The following IL1RAPL2 variants were observed in gnomAD, a reference collection of about 807,000 sequenced individuals.
IL1RAPL2 encodes the protein interleukin 1 receptor accessory protein like 2.
A neutral mutation model predicts 44.1 loss-of-function variants in IL1RAPL2; 3 were observed. The observed-to-expected ratio is 0.07, with a 90% confidence interval of 0.03 to 0.18. The LOEUF (loss-of-function observed/expected upper bound fraction) is 0.18. Among genes scored for constraint, IL1RAPL2 ranks in the 10% least tolerant of loss-of-function variants. The pLI is 1.00. For synonymous variants in IL1RAPL2, 181 were observed against 178.8 expected (o/e 1.01, Z -0.10); for missense variants, 391 against 496.4 (o/e 0.79, Z 2.02).
chrX:105,305,586 G>A (rs971202596), intron 5 of IL1RAPL2, among the ~76,000 whole-genome samples: 3 of 110,270 alleles, frequency 2.7e-5, no homozygotes, highest in Admixed American at 1.9e-4. Flanking sequence ...CATTTGAAAA[G>A]TTTTTGCTAT....
rs1368210749 is a variant in IL1RAPL2, at chrX:105,403,230, T to A, written c.698-81083T>A. Among the ~76,000 whole-genome samples, 4 of 111,965 alleles carry A rather than the reference T, an allele frequency of 3.6e-5. 1 individual carries two copies. Among genetic ancestry groups the A allele is most frequent in the African/African-American group, 1.3e-4 (4 of 30,801 alleles). On this transcript the variant is annotated intron_variant, in intron 5 of 10. Transcript: ENST00000372582. ...GCAAACAGAATAGCATCATTTTTTT[T>A]AATAATCAGTGATTTGGTGAAACAG...
chrX:104,668,947 C>T (rs1480344261), intron 2 of IL1RAPL2, among the ~76,000 whole-genome samples: 1 of 111,361 alleles, frequency 9.0e-6, no homozygotes, highest in Non-Finnish European at 1.9e-5. Flanking sequence ...CACCAAACTA[C>T]CTCTGAATCT....
chrX:104,884,216 A>C (rs960379477), intron 2 of IL1RAPL2, among the ~76,000 whole-genome samples: 1 of 111,165 alleles, frequency 9.0e-6, no homozygotes, highest in Admixed American at 9.6e-5. Context: ...GTTTTTGAGA[A>C]TGCATCAGTA....
chrX:104,864,399 G>A (rs1198247335), intron 2 of IL1RAPL2, among the ~76,000 whole-genome samples: 1 of 112,452 alleles, frequency 8.9e-6, no homozygotes, highest in Admixed American at 9.4e-5. Flanking sequence ...CAGGAGGAAA[G>A]TGGCAGAGAA....
intron 2 of IL1RAPL2, among the ~76,000 whole-genome samples, chrX:104,723,736 G>A (rs998710060): frequency 7.2e-5 from 8 of 110,812 alleles, no homozygotes; most frequent in Non-Finnish European, 1.3e-4. Flanking sequence ...CTTACAATTC[G>A]TTTGTGTTTG....
chrX:105,360,280 G>T (rs767590899), intron 5 of IL1RAPL2, among the ~76,000 whole-genome samples: 28 of 111,048 alleles, frequency 2.5e-4, no homozygotes, highest in Admixed American at 9.7e-5. Flanking sequence ...TTTCTTTCAG[G>T]CTCTAGGCCT....
chrX:105,043,745 G>T (rs1262461544), intron 2 of IL1RAPL2, among the ~76,000 whole-genome samples: 1 of 110,668 alleles, frequency 9.0e-6, no homozygotes, highest in Admixed American at 9.7e-5. Context: ...TGAGTTGAAG[G>T]GAGGCAATGG....
intron 2 of IL1RAPL2, among the ~76,000 whole-genome samples, chrX:104,935,612 A>G (rs1430871919): frequency 2.7e-5 from 3 of 112,275 alleles, no homozygotes. Context: ...TTTCCTTCAA[A>G]CATGTGAAAA....
chrX:105,281,033 G>A (rs779132932), intron 5 of IL1RAPL2, among the ~76,000 whole-genome samples: 40 of 111,652 alleles, frequency 3.6e-4, no homozygotes, highest in Admixed American at 1.3e-3. Context: ...CAAATGTCCA[G>A]CAATGATAGA....
chrX:104,612,098 G>A (rs922859947), intron 1 of IL1RAPL2, among the ~76,000 whole-genome samples: 11 of 111,329 alleles, frequency 9.9e-5, no homozygotes, highest in African/African-American at 3.6e-4. Flanking sequence ...ACCTTCATTG[G>A]GTGTATAGTT....
chrX:105,730,025 A>G (rs148852342), intron 7 of IL1RAPL2, among the ~76,000 whole-genome samples: 2,078 of 111,086 alleles, frequency 0.019, 42 homozygotes, highest in African/African-American at 0.065. Context: ...ATTAATAATA[A>G]CCTTGAATGT....
intron 5 of IL1RAPL2, among the ~76,000 whole-genome samples, chrX:105,458,526 A>G (rs909319753): frequency 8.9e-6 from 1 of 112,125 alleles, no homozygotes; most frequent in African/African-American, 3.2e-5. Flanking sequence ...CATTACCTCA[A>G]AAAGAAATCC....
chrX:105,199,553 G>A (rs1335390353), intron 3 of IL1RAPL2, among the ~76,000 whole-genome samples: 4 of 111,369 alleles, frequency 3.6e-5, no homozygotes, highest in Non-Finnish European at 7.5e-5. Flanking sequence ...CATAGATTGT[G>A]AAGGAGTACT....
At chrX:105,060,711 T>C (rs894903980) in intron 2 of IL1RAPL2, among the ~76,000 whole-genome samples, 4 of 108,417 alleles carry the variant, frequency 3.7e-5, no homozygotes, top group Non-Finnish European at 7.7e-5. Flanking sequence ...GTAGGATTAA[T>C]ATTATTTCCT....
At chrX:105,133,204 T>C (rs963651907) in intron 2 of IL1RAPL2, among the ~76,000 whole-genome samples, 8 of 112,008 alleles carry the variant, frequency 7.1e-5, no homozygotes, top group African/African-American at 2.6e-4. Context: ...ATATAACCTC[T>C]GAATCAAATT....
chrX:104,877,576 T>C (rs973587209), intron 2 of IL1RAPL2, among the ~76,000 whole-genome samples: 1 of 112,545 alleles, frequency 8.9e-6, no homozygotes, highest in Non-Finnish European at 1.9e-5. Flanking sequence ...GCATGTCACT[T>C]TTTGGAAAAC....
At chrX:105,397,484 G>A (rs2147733514) in intron 5 of IL1RAPL2, among the ~76,000 whole-genome samples, 1 of 111,052 alleles carries the variant, frequency 9.0e-6, no homozygotes, top group South Asian at 3.8e-4. Context: ...ATGAAAGGAA[G>A]GAAAGAAAGA....
chrX:105,376,704 G>A (rs1004690913), intron 5 of IL1RAPL2, among the ~76,000 whole-genome samples: 8 of 111,938 alleles, frequency 7.1e-5, no homozygotes, highest in African/African-American at 2.3e-4. Flanking sequence ...CATAATAGGA[G>A]TAGGTGTATG....
chrX:105,759,141 T>G, intron 10 of IL1RAPL2, among the ~76,000 whole-genome samples: 1 of 111,890 alleles, frequency 8.9e-6, no homozygotes, highest in Middle Eastern at 4.6e-3. Flanking sequence ...AGAGATTAAA[T>G]AAAAACCAAA....
Sources: allele counts gnomAD v4.1 joint callset (sites outside exome capture counted in the v4.1 genomes callset), GRCh38; gene constraint gnomAD v4.1.1; transcripts MANE v1.5; gene names NCBI Gene and HGNC (gene_info 2026-07-23, HGNC 2026-07-21).